Variants in HSDL2 observed in about 807,000 individuals in gnomAD.
HSDL2 encodes hydroxysteroid dehydrogenase-like protein 2.
A neutral mutation model predicts 46.3 loss-of-function variants in HSDL2; 27 were observed. The observed-to-expected ratio is 0.58, with a 90% CI of 0.43 to 0.80. The LOEUF is 0.80. HSDL2 is among the 30% of genes least tolerant of loss of function. The pLI is 0.00. For synonymous variants in HSDL2, 153 were observed against 163.6 expected (o/e 0.94, Z 0.50); for missense variants, 451 against 502.7 (o/e 0.90, Z 0.98).
intron 8 of HSDL2, among the ~76,000 whole-genome samples, chr9:112,445,660 G>A (rs1441411178): frequency 6.6e-6 from 1 of 152,070 alleles, no homozygotes; most frequent in Non-Finnish European, 1.5e-5. Flanking sequence ...TAGTAGCTGG[G>A]ATTACATGGG....
chr9:112,413,389 G>T (rs968462752), intron 4 of HSDL2, among the ~76,000 whole-genome samples: 3 of 151,892 alleles, frequency 2.0e-5, no homozygotes, highest in African/African-American at 7.2e-5. Context: ...AGGCAGGAGA[G>T]TTGCTTGAAC....
At chr9:112,424,798 A>G (rs1400345223) in intron 6 of HSDL2, among the ~76,000 whole-genome samples, 1 of 151,146 alleles carries the variant, frequency 6.6e-6, no homozygotes, top group African/African-American at 2.4e-5. Context: ...ATATTACTAG[A>G]TATTTTATAT....
chr9:112,432,556 A>G (rs1832431740), intron 6 of HSDL2, among the ~76,000 whole-genome samples: 1 of 152,210 alleles, frequency 6.6e-6, no homozygotes, highest in Non-Finnish European at 1.5e-5. Context: ...AATGTTCTGT[A>G]TCAGGGAATA....
At chr9:112,409,390 C>T (rs1042176569) in intron 4 of HSDL2, among the ~76,000 whole-genome samples, 6 of 151,950 alleles carry the variant, frequency 3.9e-5, no homozygotes, top group African/African-American at 1.2e-4. Context: ...AGGGTTTTAC[C>T]ATGTTGGCCA....
intron 8 of HSDL2, among the ~76,000 whole-genome samples, chr9:112,450,816 A>G (rs1215329416): frequency 6.6e-6 from 1 of 152,088 alleles, no homozygotes; most frequent in Non-Finnish European, 1.5e-5. Context: ...TTTTCTTAAG[A>G]AAGAAGCTTT....
At chr9:112,450,087 T>G (rs1832846531) in intron 8 of HSDL2, among the ~76,000 whole-genome samples, 1 of 152,168 alleles carries the variant, frequency 6.6e-6, no homozygotes, top group African/African-American at 2.4e-5. Flanking sequence ...TCGATTTTGT[T>G]ATATACTTTA....
Position 112,390,013 on chromosome 9 carries a change from C to T in HSDL2, c.17+9833C>T, listed in dbSNP as rs190935220. 1.3e-4 allele frequency among the ~76,000 whole-genome samples: 19 copies of T among 151,180 alleles called. No individual in the cohort carries two copies. In the East Asian group the frequency reaches 2.3e-3, roughly 19 times the overall value. On this transcript the variant is annotated intron_variant, in intron 1 of 10. Coordinates refer to ENST00000398805, the MANE Select transcript of HSDL2 (RefSeq NM_032303.5). ...CCAGGAGGCTGAGGTTGCAGTGAGC[C>T]GAGATCACGCCCCTACACTCCAGCC... is the stretch of plus-strand genomic sequence containing the variant.
At chr9:112,398,091 C>G (rs548460677) in intron 1 of HSDL2, among the ~76,000 whole-genome samples, 5 of 147,664 alleles carry the variant, frequency 3.4e-5, no homozygotes, top group Non-Finnish European at 7.5e-5. Flanking sequence ...TTGAGGAGGT[C>G]GGACTGGTAT....
At chr9:112,468,770 T>A (rs977721034) in intron 10 of HSDL2, among the ~76,000 whole-genome samples, 7 of 152,348 alleles carry the variant, frequency 4.6e-5, no homozygotes, top group Admixed American at 3.3e-4. Flanking sequence ...TTATCTTTTG[T>A]CTGAGCCAGC....
chr9:112,401,521 G>A (rs964017520), intron 1 of HSDL2, among the ~76,000 whole-genome samples: 2 of 148,414 alleles, frequency 1.3e-5, no homozygotes, highest in Admixed American at 1.3e-4. Flanking sequence ...AGCATTCCTT[G>A]TCATCGAATT....
intron 8 of HSDL2, among the ~76,000 whole-genome samples, chr9:112,447,558 A>G (rs1242809868): frequency 6.6e-6 from 1 of 152,196 alleles, no homozygotes; most frequent in Non-Finnish European, 1.5e-5. Context: ...AACTGCTAAA[A>G]CGAAACACAT....
intron 1 of HSDL2, among the ~76,000 whole-genome samples, chr9:112,390,539 G>A (rs1216795049): frequency 2.0e-5 from 3 of 151,934 alleles, no homozygotes; most frequent in Non-Finnish European, 4.4e-5. Flanking sequence ...CTGCAGCCTC[G>A]ACCTCCTGGG....
rs1254895954 is a variant in HSDL2 at position 112,404,120 on chromosome 9, C to T, written c.143C>T (p.Pro48Leu). Residue 48 changes from proline (P) to leucine (L), a missense_variant, in exon 2 of 11, where the codon CCA (proline) becomes CTA (leucine). Coordinates refer to ENST00000398805, the MANE Select transcript of HSDL2 (RefSeq NM_032303.5). ...VIAAKTAQPH[P>L]KLLGTIYTAA... The stretch of plus-strand genomic sequence containing the variant: ...GCTGCAAAGACCGCCCAGCCACATC[C>T]AAAACTTCTAGGCACAATCTATACT... 6.2e-7 allele frequency: 1 copy of T among 1,614,090 alleles called. No individual in the cohort carries two copies.
Position 112,423,838 on chromosome 9 carries a change from C to T in HSDL2, c.598+4880C>T, listed in dbSNP as rs138927753. 2.0e-3 allele frequency among the ~76,000 whole-genome samples: 299 copies of T among 151,576 alleles called. 1 individual carries two copies. The highest frequency in any genetic ancestry group is 4.1e-3 in the Admixed American group (62 of 15,252). On this transcript the variant is annotated intron_variant, in intron 6 of 10. Coordinates refer to ENST00000398805, the MANE Select transcript of HSDL2 (RefSeq NM_032303.5). ...AAGCGATTCTTGTGCCTCAGCCTCC[C>T]GAATGGCTGGGATTACAGGCACTCG...
chr9:112,460,121 C>G (rs1471107973), intron 10 of HSDL2, among the ~76,000 whole-genome samples: 1 of 152,160 alleles, frequency 6.6e-6, no homozygotes, highest in African/African-American at 2.4e-5. Context: ...ATAATTTTCT[C>G]TTTTCTACTC....
At chr9:112,418,819 TTC>T in intron 5 of HSDL2, 39 bp from the exon 6 acceptor site, 5 of 1,153,254 alleles carry the variant, frequency 4.3e-6, no homozygotes, top group Non-Finnish European at 4.9e-6. Context: ...TCAAATTAAT[TTC>T]TTTTATAATT....
Position 112,382,219 on chromosome 9 carries a change from C to T in HSDL2, c.17+2039C>T, listed in dbSNP as rs10981376. ...AGGTGGCAGTGAGCCGAGATCATGC[C>T]ACTGCCCTGCCCTCCACCCTGCGAG... is the stretch of plus-strand genomic sequence containing the variant. On this transcript the variant is annotated intron_variant, in intron 1 of 10. Coordinates refer to ENST00000398805, the MANE Select transcript of HSDL2 (RefSeq NM_032303.5). Among the ~76,000 whole-genome samples the T allele has an allele frequency of 4.4e-3, 676 of 152,340 alleles. 30 individuals are homozygous for T. The East Asian group carries it at 0.11, about 25-fold the overall frequency.
chr9:112,387,633 G>T (rs867525750), intron 1 of HSDL2, among the ~76,000 whole-genome samples: 5 of 152,144 alleles, frequency 3.3e-5, no homozygotes, highest in South Asian at 2.1e-4. Context: ...AATAAAAAGA[G>T]TCTTCGTTTT....
intron 1 of HSDL2, among the ~76,000 whole-genome samples, chr9:112,386,464 G>T (rs1831219395): frequency 6.6e-6 from 1 of 151,968 alleles, no homozygotes; most frequent in Admixed American, 6.6e-5. Flanking sequence ...TAAGAAAATT[G>T]CTATATATAA....
Sources: gnomAD v4.1 joint callset for allele counts (sites outside exome capture counted in the v4.1 genomes callset) on GRCh38, gnomAD v4.1.1 for gene constraint, MANE v1.5 for transcripts, NCBI Gene and HGNC (gene_info 2026-07-23, HGNC 2026-07-21) for gene names.